Variants in DLG2 observed in about 807,000 individuals in gnomAD.
DLG2 encodes disks large homolog 2.
A neutral mutation model predicts 132.5 loss-of-function variants in DLG2; 45 were observed. The ratio of observed to expected loss-of-function variants is 0.34; its 90% CI spans 0.27 to 0.44. The LOEUF (loss-of-function observed/expected upper bound fraction) is 0.44. Among genes scored for constraint, DLG2 ranks in the 20% least tolerant of loss-of-function variants. DLG2 has a pLI of 1.00. For synonymous variants in DLG2, 424 were observed against 419.6 expected (o/e 1.01, Z -0.13); for missense variants, 1,045 against 1,196.9 (o/e 0.87, Z 1.87).
intron 7 of DLG2, among the ~76,000 whole-genome samples, chr11:84,335,391 C>T (rs1270563955): frequency 1.3e-5 from 2 of 152,126 alleles, no homozygotes; most frequent in Admixed American, 1.3e-4. Context: ...AAAAACAAAA[C>T]ACAACGACTC....
At chr11:84,046,389 A>C (rs1474393775) in intron 11 of DLG2, among the ~76,000 whole-genome samples, 1 of 151,534 alleles carries the variant, frequency 6.6e-6, no homozygotes, top group Admixed American at 6.6e-5. Flanking sequence ...AACTGCTACC[A>C]CATTCAGTTG....
At chr11:85,031,139 C>A (rs989359815) in intron 6 of DLG2, among the ~76,000 whole-genome samples, 3 of 151,816 alleles carry the variant, frequency 2.0e-5, no homozygotes, top group African/African-American at 7.3e-5. Flanking sequence ...ATGGCTAAGG[C>A]TTTTTGTTTC....
intron 6 of DLG2, among the ~76,000 whole-genome samples, chr11:84,899,155 G>T (rs1191733398): frequency 6.6e-6 from 1 of 151,988 alleles, no homozygotes; most frequent in Non-Finnish European, 1.5e-5. Context: ...ACTGAACAGA[G>T]AAAACATCAA....
At position 84,143,351 on chromosome 11, in the gene DLG2, T is replaced by C. The variant is rs184216356; in HGVS notation, c.624+20110A>G. On this transcript the variant is annotated intron_variant, in intron 9 of 27. Transcript: ENST00000376104. Reference sequence around the variant, plus strand: ...GAAGTTGATCAGTTAAAAATGGTAATAGAGTGAAGAATAATTTTAGAATCA... The same window carrying C: ...GAAGTTGATCAGTTAAAAATGGTAACAGAGTGAAGAATAATTTTAGAATCA... Among the ~76,000 whole-genome samples the C allele has an allele frequency of 1.6e-4, 24 of 152,218 alleles. No homozygotes were observed. In the Middle Eastern group the frequency reaches 0.01, roughly 65 times the overall value.
At chr11:84,910,087 G>C (rs190265555) in intron 6 of DLG2, among the ~76,000 whole-genome samples, 9 of 152,330 alleles carry the variant, frequency 5.9e-5, no homozygotes, top group Non-Finnish European at 8.8e-5. Flanking sequence ...CAGTGGACTG[G>C]AAGGAAGGGA....
chr11:85,475,872 C>T (rs1005228857), intron 3 of DLG2, among the ~76,000 whole-genome samples: 3 of 152,104 alleles, frequency 2.0e-5, no homozygotes, highest in Non-Finnish European at 4.4e-5. Flanking sequence ...TTAACTACAA[C>T]ATATGTTCTT....
intron 11 of DLG2, among the ~76,000 whole-genome samples, chr11:84,051,100 C>T (rs560014502): frequency 9.1e-4 from 138 of 151,906 alleles, no homozygotes; most frequent in African/African-American, 3.2e-3. Context: ...CTTAGAATGG[C>T]GATCATTAAA....
At chr11:85,361,969 G>T (rs1314541630) in intron 3 of DLG2, among the ~76,000 whole-genome samples, 1 of 152,098 alleles carries the variant, frequency 6.6e-6, no homozygotes, top group Non-Finnish European at 1.5e-5. Context: ...TGTCATCTAT[G>T]ATTTAGTTCT....
At position 84,051,255 on chromosome 11, in the gene DLG2, C is replaced by T. The variant is rs371859664; in HGVS notation, c.919+8060G>A. On this transcript the variant is annotated intron_variant, in intron 11 of 27. Coordinates refer to ENST00000376104, the MANE Select transcript of DLG2 (RefSeq NM_001142699.3). ...TCTAGAACTAGAAATACCATTTGAC[C>T]CAGAAATCCCATTACTGGGTATATA... 1.7e-4 allele frequency among the ~76,000 whole-genome samples: 26 copies of T among 151,818 alleles called. No individual in the cohort carries two copies. In the East Asian group the frequency reaches 4.1e-3, roughly 24 times the overall value.
chr11:85,418,608 T>C lies in DLG2; in HGVS notation c.41-133243A>G, dbSNP rs368128525. Among the ~76,000 whole-genome samples, 22 of 152,348 alleles carry C rather than the reference T, an allele frequency of 1.4e-4. No individual in the cohort carries two copies. In the South Asian group the frequency reaches 4.6e-3, roughly 32 times the overall value. On this transcript the variant is annotated intron_variant, in intron 3 of 27. Transcript: ENST00000376104. ...CTTTGTAAGTCTCTAAGAACTTGATTTACGAATCTCAGTGCTCCTGTATTA... is the reference window on the plus strand; with the variant it reads ...CTTTGTAAGTCTCTAAGAACTTGATCTACGAATCTCAGTGCTCCTGTATTA...
At chr11:84,544,776 G>A (rs1173696815) in intron 6 of DLG2, among the ~76,000 whole-genome samples, 1 of 152,142 alleles carries the variant, frequency 6.6e-6, no homozygotes, top group African/African-American at 2.4e-5. Context: ...CAAATGTAAT[G>A]CTCCCTTTGG....
chr11:85,105,961 G>GA (rs939983995), intron 6 of DLG2, among the ~76,000 whole-genome samples: 2 of 144,804 alleles, frequency 1.4e-5, no homozygotes, highest in African/African-American at 2.6e-5. Context: ...TGCATTCTGG[G>GA]AAAAAAAGGG....
At chr11:85,022,343 C>T (rs1592823342) in intron 6 of DLG2, among the ~76,000 whole-genome samples, 6 of 151,958 alleles carry the variant, frequency 3.9e-5, no homozygotes, top group Admixed American at 3.3e-4. Context: ...AAAATGAAAT[C>T]GATAAACTTC....
chr11:85,192,425 C>A (rs2080667660), intron 4 of DLG2, among the ~76,000 whole-genome samples: 1 of 152,046 alleles, frequency 6.6e-6, no homozygotes, highest in South Asian at 2.1e-4. Flanking sequence ...GAGGGGAGGT[C>A]AACTACCTAG....
intron 6 of DLG2, among the ~76,000 whole-genome samples, chr11:85,008,806 GATAAACAA>G (rs1321434077): frequency 6.6e-6 from 1 of 151,860 alleles, no homozygotes; most frequent in Non-Finnish European, 1.5e-5. Flanking sequence ...AAACCCAGCA[GATAAACAA>G]ATAAACAAGA....
At chr11:85,575,045 C>G (rs1590928285) in intron 3 of DLG2, among the ~76,000 whole-genome samples, 1 of 151,916 alleles carries the variant, frequency 6.6e-6, no homozygotes, top group East Asian at 1.9e-4. Flanking sequence ...TTCTTCCTTG[C>G]ATCCTCTCAG....
At chr11:83,877,199 C>T (rs2064987780) in intron 15 of DLG2, among the ~76,000 whole-genome samples, 1 of 152,056 alleles carries the variant, frequency 6.6e-6, no homozygotes, top group African/African-American at 2.4e-5. Flanking sequence ...TTTTAAAACA[C>T]CCTAACAATT....
At chr11:83,965,798 AAACTT>A (rs1335727849) in intron 12 of DLG2, among the ~76,000 whole-genome samples, 2 of 151,992 alleles carry the variant, frequency 1.3e-5, no homozygotes, top group Non-Finnish European at 2.9e-5. Context: ...TAGTGGAAGA[AAACTT>A]AAAAAAGAAG....
intron 18 of DLG2, among the ~76,000 whole-genome samples, chr11:83,692,742 A>C (rs1287489844): frequency 1.3e-5 from 2 of 152,228 alleles, no homozygotes; most frequent in Non-Finnish European, 2.9e-5. Context: ...GGCAGAGACT[A>C]TCTGGTTCAC....
Sources: gnomAD v4.1 joint callset for allele counts (sites outside exome capture counted in the v4.1 genomes callset) on GRCh38, gnomAD v4.1.1 for gene constraint, MANE v1.5 for transcripts, NCBI Gene and HGNC (gene_info 2026-07-23, HGNC 2026-07-21) for gene names.